SORCS3: variants seen among roughly 807,000 people sequenced by gnomAD.
SORCS3 encodes VPS10 domain-containing receptor SorCS3.
Under a neutral mutation model 146.3 loss-of-function variants are expected in SORCS3, and 57 were observed. The observed-to-expected ratio is 0.39, with a 90% confidence interval of 0.31 to 0.49. The LOEUF (loss-of-function observed/expected upper bound fraction) is 0.49, where lower values mean the gene tolerates loss of function less well. Ranked by LOEUF, SORCS3 falls within the 20% of genes least tolerant of loss-of-function variation. The pLI is 0.92. For synonymous variants in SORCS3, 653 were observed against 618.5 expected, an observed-to-expected ratio of 1.06 and a Z score of -0.83; for missense variants, 1,341 against 1,575.5, an observed-to-expected ratio of 0.85 and a Z score of 2.52.
intron 20 of SORCS3, among the ~76,000 whole-genome samples, chr10:105,242,270 A>G (rs1447792220): frequency 1.4e-5 from 2 of 139,736 alleles, no homozygotes; most frequent in African/African-American, 5.3e-5. Context: ...ATTTATATAT[A>G]TATTTATACA....
chr10:104,925,618 T>G (rs2019137182), intron 3 of SORCS3, among the ~76,000 whole-genome samples: 1 of 152,226 alleles, frequency 6.6e-6, no homozygotes, highest in African/African-American at 2.4e-5. Flanking sequence ...TGGGTTTCTT[T>G]TTCCTCTTTT....
At chr10:105,175,700 A>C (rs559848029) in intron 13 of SORCS3, among the ~76,000 whole-genome samples, 1 of 152,354 alleles carries the variant, frequency 6.6e-6, no homozygotes, top group East Asian at 1.9e-4. Flanking sequence ...TCTTGGGGCT[A>C]GTTTAAATGA....
intron 4 of SORCS3, among the ~76,000 whole-genome samples, chr10:104,989,371 T>A (rs1472159909): frequency 7.9e-5 from 12 of 152,294 alleles, no homozygotes; most frequent in African/African-American, 2.6e-4. Flanking sequence ...ACTTCTTACT[T>A]AAAAGTACCA....
intron 7 of SORCS3, among the ~76,000 whole-genome samples, chr10:105,126,436 T>C (rs749707839): frequency 1.8e-4 from 28 of 152,170 alleles, no homozygotes; most frequent in Non-Finnish European, 3.7e-4. Context: ...TCCTGGTTTC[T>C]CAAATCTTCC....
At chr10:104,880,017 C>A (rs1045704465) in intron 2 of SORCS3, among the ~76,000 whole-genome samples, 1 of 152,164 alleles carries the variant, frequency 6.6e-6, no homozygotes, top group Admixed American at 6.5e-5. Flanking sequence ...TCCTTTCTCT[C>A]AGGACCCAAT....
chr10:105,228,498 T>C (rs2056747697), intron 20 of SORCS3, among the ~76,000 whole-genome samples: 1 of 152,052 alleles, frequency 6.6e-6, no homozygotes, highest in African/African-American at 2.4e-5. Flanking sequence ...TTATTTCTCT[T>C]TCACAGGATT....
chr10:105,157,040 A>T, intron 9 of SORCS3, 98 bp from the exon 10 acceptor site: 1 of 1,400,150 alleles, frequency 7.1e-7, no homozygotes, highest in Non-Finnish European at 9.8e-7. Context: ...TGGAACCCCA[A>T]CATGCCGTGG....
chr10:105,249,974 G>A (rs962565860), intron 22 of SORCS3, among the ~76,000 whole-genome samples: 1 of 152,136 alleles, frequency 6.6e-6, no homozygotes, highest in Non-Finnish European at 1.5e-5. Flanking sequence ...GCTATAACAA[G>A]GTTCCATAAA....
In SORCS3 at chr10:104,940,204, TTATATATATATATA is replaced by T. The variant is rs71022748; in HGVS notation, c.795+24294_795+24307del. Among the ~76,000 whole-genome samples, 242 of 53,002 alleles carry T rather than the reference TTATATATATATATA, an allele frequency of 4.6e-3. 2 individuals are homozygous for T. The highest frequency in any genetic ancestry group is 0.01 in the African/African-American group (221 of 21,640). 34.8% of individuals were successfully genotyped at this position (53,002 alleles called of 152,430 possible). On this transcript the variant is annotated intron_variant, in intron 3 of 26. Transcript: ENST00000369701. Reference sequence around the variant, plus strand: ...ACCGAGAGTTCCTCTTCCTTTTCTTTTATATATATATATATATATATATATATATATATATTTTT... The same window carrying T: ...ACCGAGAGTTCCTCTTCCTTTTCTTTTATATATATATATATATATATTTTT...
chr10:105,088,473 A>G (rs766731190), intron 5 of SORCS3, among the ~76,000 whole-genome samples: 2 of 152,048 alleles, frequency 1.3e-5, no homozygotes, highest in Non-Finnish European at 2.9e-5. Context: ...TATTTTAACC[A>G]ATAAAAATCA....
At chr10:104,956,118 G>A (rs1051907687) in intron 3 of SORCS3, among the ~76,000 whole-genome samples, 2 of 152,144 alleles carry the variant, frequency 1.3e-5, no homozygotes, top group Non-Finnish European at 1.5e-5. Context: ...GGGATATTTG[G>A]GGAACTGTGA....
chr10:105,157,259 G>T lies in SORCS3; in HGVS notation c.1604G>T (p.Arg535Ile). Residue 535 changes from arginine (R) to isoleucine (I), a missense_variant, in exon 10 of 27, where the codon AGA becomes ATA. By Grantham distance (97) the Arg-to-Ile change is moderately conservative. Transcript: ENST00000369701. ...RLLQAPDVDLRGSPVHCLLPF... is the reference protein window; with the variant it reads ...RLLQAPDVDLIGSPVHCLLPF... ...CTGCAAGCTCCGGATGTGGACCTGAGAGGAAGCCCAGTGCACTGCCTGCTG... is the reference window on the plus strand; with the variant it reads ...CTGCAAGCTCCGGATGTGGACCTGATAGGAAGCCCAGTGCACTGCCTGCTG... 1 of 1,614,068 alleles carries T rather than the reference G, an allele frequency of 6.2e-7. No individual in the cohort carries two copies.
chr10:105,080,961 T>C (rs2055621072), intron 5 of SORCS3, among the ~76,000 whole-genome samples: 1 of 152,186 alleles, frequency 6.6e-6, no homozygotes, highest in Non-Finnish European at 1.5e-5. Flanking sequence ...AATTATAAAG[T>C]ATATTTCAAA....
intron 2 of SORCS3, among the ~76,000 whole-genome samples, chr10:104,890,190 C>T (rs140299103): frequency 2.6e-5 from 4 of 152,042 alleles, no homozygotes; most frequent in South Asian, 4.2e-4. Context: ...TCTCGGATAT[C>T]GACTTATAGT....
intron 1 of SORCS3, among the ~76,000 whole-genome samples, chr10:104,793,626 G>A (rs958107449): frequency 6.6e-6 from 1 of 152,168 alleles, no homozygotes; most frequent in African/African-American, 2.4e-5. Context: ...TCAGTAATAT[G>A]GCTTTTAGTA....
intron 4 of SORCS3, among the ~76,000 whole-genome samples, chr10:105,009,527 C>CAAAAAAAAAAAAA (rs35368294): frequency 1.9e-5 from 2 of 105,152 alleles, no homozygotes; most frequent in African/African-American, 3.1e-5. Context: ...AACAAACAAA[C>CAAAAAAAAAAAAA]AAAAAAAAAA....
At chr10:105,155,657 G>C (rs1437562644) in intron 9 of SORCS3, among the ~76,000 whole-genome samples, 1 of 152,208 alleles carries the variant, frequency 6.6e-6, no homozygotes, top group African/African-American at 2.4e-5. Flanking sequence ...ATGAGCATTT[G>C]AGATGCTGTC....
intron 4 of SORCS3, among the ~76,000 whole-genome samples, chr10:105,040,162 A>G (rs1312571695): frequency 6.6e-6 from 1 of 152,172 alleles, no homozygotes; most frequent in Non-Finnish European, 1.5e-5. Flanking sequence ...CCCTACATGA[A>G]AAACTTAGTC....
intron 2 of SORCS3, among the ~76,000 whole-genome samples, chr10:104,856,794 T>C (rs926607909): frequency 3.5e-5 from 5 of 144,732 alleles, no homozygotes; most frequent in Admixed American, 1.4e-4. Context: ...TATTAGTATA[T>C]ATAAATATAT....
Sources: gnomAD v4.1 joint callset for allele counts (sites outside exome capture counted in the v4.1 genomes callset) on GRCh38, gnomAD v4.1.1 for gene constraint, MANE v1.5 for transcripts, NCBI Gene and HGNC (gene_info 2026-07-23, HGNC 2026-07-21) for gene names.